Variants in LNP1 observed in about 807,000 individuals in gnomAD.
LNP1 encodes the protein leukemia NUP98 fusion partner 1.
In LNP1, 12 loss-of-function variants were observed where a neutral mutation model predicts 14.5. The ratio of observed to expected loss-of-function variants is 0.83; its 90% CI spans 0.53 to 1.34. LNP1 has a LOEUF of 1.34. Ranked by LOEUF, LNP1 falls within the 40% of genes most tolerant of loss-of-function variation. The pLI is 0.00. For synonymous variants in LNP1, 75 were observed against 71.4 expected (o/e 1.05, Z -0.26); for missense variants, 198 against 210.9 (o/e 0.94, Z 0.38).
In LNP1 at chr3:100,451,766, G is replaced by T. The variant is rs775004254; in HGVS notation, c.204G>T (p.Arg68Ser). 3.1e-6 allele frequency: 5 copies of T among 1,613,832 alleles called. No homozygotes were observed. Among genetic ancestry groups the T allele is most frequent in the African/African-American group, 1.3e-5 (1 of 74,924 alleles). ...RIPSSDCHPR[R>S]HSHEDQEFRC... ...CATCATCTGACTGCCATCCTAGAAG[G>T]CATTCTCATGAGGACCAAGAATTTC... The change falls in exon 3 of 4, where the codon AGG becomes AGT. Residue 68 changes from arginine to serine, a missense_variant. Arg to Ser is a moderately radical substitution (Grantham distance 110, BLOSUM62 -1). Transcript: ENST00000383693.
chr3:100,403,467 GTT>G (rs1212779886), intron 1 of LNP1, among the ~76,000 whole-genome samples: 2 of 144,338 alleles, frequency 1.4e-5, no homozygotes, highest in Non-Finnish European at 1.5e-5. Context: ...GAAGACCTGA[GTT>G]TTTTTTTTTT....
chr3:100,452,632 T>C (rs1707470918), intron 3 of LNP1, among the ~76,000 whole-genome samples: 1 of 152,132 alleles, frequency 6.6e-6, no homozygotes, highest in African/African-American at 2.4e-5. Context: ...TTTAATCCTC[T>C]AGCAAATAGT....
intron 1 of LNP1, among the ~76,000 whole-genome samples, chr3:100,421,568 C>T (rs962952302): frequency 1.3e-5 from 2 of 152,092 alleles, no homozygotes; most frequent in Non-Finnish European, 2.9e-5. Context: ...ATAAATATAT[C>T]GTAATGTATT....
chr3:100,408,241 C>A (rs1321678971), intron 1 of LNP1, among the ~76,000 whole-genome samples: 4 of 152,242 alleles, frequency 2.6e-5, no homozygotes, highest in Non-Finnish European at 5.9e-5. Context: ...CATCCTCTAA[C>A]AGTAAGCCTG....
intron 2 of LNP1, among the ~76,000 whole-genome samples, chr3:100,436,058 G>A (rs1402335378): frequency 6.6e-6 from 1 of 152,122 alleles, no homozygotes. Flanking sequence ...TGATGGAGCT[G>A]CAAATTGTTT....
intron 2 of LNP1, among the ~76,000 whole-genome samples, chr3:100,449,742 A>C (rs1231027397): frequency 6.6e-6 from 1 of 152,212 alleles, no homozygotes; most frequent in African/African-American, 2.4e-5. Context: ...CTTGAATGTT[A>C]GCTTTTAATT....
Position 100,440,792 on chromosome 3 carries a change from G to A in LNP1, c.156+10907G>A, listed in dbSNP as rs542916852. 2.7e-4 allele frequency among the ~76,000 whole-genome samples: 41 copies of A among 152,250 alleles called. No homozygotes were observed. In the South Asian group the frequency reaches 3.7e-3, roughly 14 times the overall value. On this transcript the variant is annotated intron_variant, in intron 2 of 3. Transcript: ENST00000383693. ...AGAGAGGCACTGAACAAAATTACCC[G>A]AATTATTAATGACAGTTGTGATAAG...
rs1707508404 is a variant in LNP1, at chr3:100,456,102, A to G, written c.*176A>G. ...CAGGGTATGTAGCTGCTCCAAGATG[A>G]CTTGCATCATACCCCAATTACTGCT... On this transcript the variant is annotated 3_prime_UTR_variant, in exon 4 of 4. Transcript: ENST00000383693. 1 of 575,112 alleles carries G rather than the reference A, an allele frequency of 1.7e-6. No individual in the cohort carries two copies. Among genetic ancestry groups the G allele is most frequent in the African/African-American group, 1.9e-5 (1 of 53,064 alleles). The allele number at this position is 575,112 out of a possible 1,614,324, so 35.6% of individuals were successfully genotyped here.
chr3:100,440,711 A>G (rs1313823585), intron 2 of LNP1, among the ~76,000 whole-genome samples: 6 of 152,204 alleles, frequency 3.9e-5, no homozygotes, highest in Admixed American at 1.3e-4. Context: ...GGTGCTGGGT[A>G]CTAGCAGAGA....
chr3:100,425,558 C>G (rs1323304225), intron 1 of LNP1, among the ~76,000 whole-genome samples: 1 of 152,164 alleles, frequency 6.6e-6, no homozygotes, highest in African/African-American at 2.4e-5. Flanking sequence ...TCCCCAGGTG[C>G]CGGGTTTTTT....
chr3:100,408,013 A>G (rs1374519899), intron 1 of LNP1, among the ~76,000 whole-genome samples: 1 of 151,946 alleles, frequency 6.6e-6, no homozygotes, highest in Non-Finnish European at 1.5e-5. Context: ...GTTTCTCTGT[A>G]TTTTCTGAAG....
intron 1 of LNP1, among the ~76,000 whole-genome samples, chr3:100,404,914 T>A (rs541329983): frequency 6.6e-6 from 1 of 151,260 alleles, no homozygotes; most frequent in African/African-American, 2.4e-5. Context: ...TGTCTCAGCC[T>A]CCCGAGTAGC....
intron 1 of LNP1, among the ~76,000 whole-genome samples, chr3:100,419,372 C>T (rs192784469): frequency 6.6e-6 from 1 of 152,264 alleles, no homozygotes; most frequent in East Asian, 1.9e-4. Context: ...CCCATGCATC[C>T]TTCACCTACT....
chr3:100,434,066 T>C (rs1707268281), intron 2 of LNP1, among the ~76,000 whole-genome samples: 1 of 152,228 alleles, frequency 6.6e-6, no homozygotes. Flanking sequence ...GCTCTTTAGC[T>C]TAATTAGATC....
At chr3:100,442,629 A>G (rs1707355176) in intron 2 of LNP1, among the ~76,000 whole-genome samples, 1 of 152,154 alleles carries the variant, frequency 6.6e-6, no homozygotes, top group Admixed American at 6.5e-5. Flanking sequence ...GCAATCAGAT[A>G]TGCATTTATC....
intron 1 of LNP1, among the ~76,000 whole-genome samples, chr3:100,422,644 C>T (rs866758065): frequency 7.2e-5 from 11 of 152,076 alleles, no homozygotes; most frequent in Non-Finnish European, 1.5e-4. Context: ...GATTTATTGG[C>T]TCTTCAAAAT....
intron 1 of LNP1, among the ~76,000 whole-genome samples, chr3:100,417,994 C>G (rs1289399681): frequency 6.6e-6 from 1 of 151,102 alleles, no homozygotes; most frequent in Non-Finnish European, 1.5e-5. Context: ...CTAATTCTTT[C>G]CTGAGTTTTA....
chr3:100,450,303 A>T (rs1357322826), intron 2 of LNP1, among the ~76,000 whole-genome samples: 2 of 151,776 alleles, frequency 1.3e-5, no homozygotes, highest in Non-Finnish European at 2.9e-5. Flanking sequence ...CTCTAATGGC[A>T]AGGAGAAATT....
chr3:100,452,864 T>C (rs980165392), intron 3 of LNP1, among the ~76,000 whole-genome samples: 3 of 152,172 alleles, frequency 2.0e-5, no homozygotes, highest in Admixed American at 6.5e-5. Flanking sequence ...GATCAATTAA[T>C]GTGGGGGTAG....
Sources: allele counts gnomAD v4.1 joint callset (sites outside exome capture counted in the v4.1 genomes callset), GRCh38; gene constraint gnomAD v4.1.1; transcripts MANE v1.5; gene names NCBI Gene and HGNC (gene_info 2026-07-23, HGNC 2026-07-21).